The following NRG3 variants were observed in gnomAD, a reference collection of about 807,000 sequenced individuals.
NRG3 encodes the protein neuregulin 3, also known as pro-neuregulin-3, membrane-bound isoform.
Under a neutral mutation model 66.9 loss-of-function variants are expected in NRG3, and 31 were observed. That is an observed-to-expected ratio of 0.46 (90% CI 0.35 to 0.63). The LOEUF is 0.63. Among genes scored for constraint, NRG3 ranks in the 20% least tolerant of loss-of-function variants. The pLI, the probability that NRG3 is intolerant of heterozygous loss-of-function variation, is 0.00. For synonymous variants in NRG3, 393 were observed against 359.4 expected (o/e 1.09, Z -1.06); for missense variants, 910 against 878.9 (o/e 1.04, Z -0.45).
intron 3 of NRG3, among the ~76,000 whole-genome samples, chr10:82,816,045 G>A (rs1177468190): frequency 6.6e-6 from 1 of 152,222 alleles, no homozygotes; most frequent in Non-Finnish European, 1.5e-5. Context: ...GTGTTGCCCA[G>A]AAGCTTGGAG....
chr10:81,920,014 T>A (rs2347327), intron 1 of NRG3, among the ~76,000 whole-genome samples: 21,308 of 152,138 alleles, frequency 0.14, 2,703 homozygotes, highest in African/African-American at 0.33. Context: ...TAAAAATAAC[T>A]TTATAAGACG....
chr10:82,247,711 T>A (rs545275844), intron 1 of NRG3, among the ~76,000 whole-genome samples: 11 of 152,184 alleles, frequency 7.2e-5, no homozygotes, highest in Non-Finnish European at 1.2e-4. Context: ...TTATAGTGAA[T>A]CCTTGAAAAT....
rs1161052019 is a variant in NRG3, at chr10:82,358,781, C to T, written c.866C>T (p.Pro289Leu). Residue 289 changes from proline to leucine, a missense_variant, in exon 2 of 9, where the codon CCC becomes CTC. Transcript: ENST00000372141. ...ACAGAGCGATCCGAGCACTTCAAAC[C>T]CTGCCGAGACAAGGACCTTGCATAC... ...YSTERSEHFK[P>L]CRDKDLAYCL... The T allele has an allele frequency of 3.7e-6, 6 of 1,614,142 alleles. No homozygotes were observed. The highest frequency in any genetic ancestry group is 2.5e-6 in the Non-Finnish European group (3 of 1,180,024).
At chr10:82,900,069 G>A (rs1844059889) in intron 4 of NRG3, among the ~76,000 whole-genome samples, 1 of 152,126 alleles carries the variant, frequency 6.6e-6, no homozygotes, top group African/African-American at 2.4e-5. Flanking sequence ...GAAGGCAAAG[G>A]GGCAGCAGGC....
intron 4 of NRG3, among the ~76,000 whole-genome samples, chr10:82,895,565 A>G (rs1221213158): frequency 7.0e-6 from 1 of 142,772 alleles, no homozygotes; most frequent in Non-Finnish European, 1.5e-5. Flanking sequence ...ATCTCGGCTC[A>G]CTGCAAGCTC....
chr10:82,686,610 A>C (rs1333672412), intron 2 of NRG3, among the ~76,000 whole-genome samples: 1 of 152,202 alleles, frequency 6.6e-6, no homozygotes, highest in East Asian at 1.9e-4. Flanking sequence ...AGATGATGGG[A>C]CTTTTTCAGC....
intron 2 of NRG3, among the ~76,000 whole-genome samples, chr10:82,433,859 G>A (rs2089972450): frequency 6.6e-6 from 1 of 152,136 alleles, no homozygotes; most frequent in Non-Finnish European, 1.5e-5. Flanking sequence ...TAGTCTTGTA[G>A]TATAGTTTGA....
At chr10:81,898,050 C>T (rs1483409436) in intron 1 of NRG3, among the ~76,000 whole-genome samples, 2 of 152,132 alleles carry the variant, frequency 1.3e-5, no homozygotes, top group African/African-American at 4.8e-5. Context: ...TAAAGTTCCC[C>T]AGGTTATTCT....
intron 1 of NRG3, among the ~76,000 whole-genome samples, chr10:82,311,296 A>G (rs1390957075): frequency 1.3e-5 from 2 of 152,298 alleles, no homozygotes; most frequent in Middle Eastern, 3.4e-3. Context: ...TTAAATGTCT[A>G]TACTTTTATC....
chr10:82,495,506 T>A (rs1403555115), intron 2 of NRG3, among the ~76,000 whole-genome samples: 1 of 152,046 alleles, frequency 6.6e-6, no homozygotes, highest in African/African-American at 2.4e-5. Flanking sequence ...AGGTCTCACA[T>A]CTCAGAATCA....
At chr10:82,051,667 G>T (rs1021355747) in intron 1 of NRG3, among the ~76,000 whole-genome samples, 3 of 152,090 alleles carry the variant, frequency 2.0e-5, no homozygotes, top group Non-Finnish European at 2.9e-5. Context: ...GTGTATGAAG[G>T]ATGAAAAATG....
At chr10:81,957,004 T>G (rs927140078) in intron 1 of NRG3, among the ~76,000 whole-genome samples, 18 of 152,340 alleles carry the variant, frequency 1.2e-4, no homozygotes, top group African/African-American at 4.3e-4. Context: ...GTGGGATTGC[T>G]CCTGGGTCTG....
intron 2 of NRG3, among the ~76,000 whole-genome samples, chr10:82,721,253 TCC>T (rs2057300527): frequency 6.9e-6 from 1 of 144,234 alleles, no homozygotes; most frequent in Non-Finnish European, 1.5e-5. Flanking sequence ...TGCCTCAGCC[TCC>T]CGAGTAGCTG....
intron 2 of NRG3, among the ~76,000 whole-genome samples, chr10:82,601,129 C>T (rs1590830189): frequency 6.6e-6 from 1 of 152,252 alleles, no homozygotes; most frequent in South Asian, 2.1e-4. Context: ...TGATTTTATT[C>T]TTTTTTATGG....
chr10:82,708,431 A>G (rs1236700543), intron 2 of NRG3, among the ~76,000 whole-genome samples: 2 of 152,168 alleles, frequency 1.3e-5, no homozygotes, highest in East Asian at 3.9e-4. Flanking sequence ...CATAGTACCC[A>G]ATAGGTGGTT....
At chr10:82,926,858 C>T (rs941912224) in intron 4 of NRG3, among the ~76,000 whole-genome samples, 2 of 152,182 alleles carry the variant, frequency 1.3e-5, no homozygotes, top group African/African-American at 2.4e-5. Flanking sequence ...GTAGATCTGC[C>T]TTTGGATTGG....
chr10:82,311,899 A>G (rs1013178078), intron 1 of NRG3, among the ~76,000 whole-genome samples: 15 of 152,194 alleles, frequency 9.9e-5, no homozygotes, highest in African/African-American at 3.4e-4. Flanking sequence ...TCAGTCTTAT[A>G]GATGCTTTTT....
chr10:82,549,184 A>G (rs1055362314), intron 2 of NRG3, among the ~76,000 whole-genome samples: 1 of 152,218 alleles, frequency 6.6e-6, no homozygotes, highest in Non-Finnish European at 1.5e-5. Flanking sequence ...AAAGTAATAT[A>G]CATGTGTAAA....
chr10:82,222,412 G>T (rs139853729), intron 1 of NRG3, among the ~76,000 whole-genome samples: 56 of 152,226 alleles, frequency 3.7e-4, no homozygotes, highest in African/African-American at 1.3e-3. Context: ...ATTTAGACAA[G>T]TATTCCATAT....
Sources: gnomAD v4.1 joint callset for allele counts (sites outside exome capture counted in the v4.1 genomes callset) on GRCh38, gnomAD v4.1.1 for gene constraint, MANE v1.5 for transcripts, NCBI Gene and HGNC (gene_info 2026-07-23, HGNC 2026-07-21) for gene names.